Variants in THSD7A observed in about 807,000 individuals in gnomAD.
The protein encoded by THSD7A is thrombospondin type-1 domain-containing protein 7A.
In THSD7A, 96 loss-of-function variants were observed where a neutral mutation model predicts 231.3. That is an observed-to-expected ratio of 0.41 (90% CI 0.35 to 0.49). The LOEUF is 0.49. THSD7A is among the 20% of genes least tolerant of loss of function. The pLI is 0.05. For synonymous variants in THSD7A, 940 were observed against 743.3 expected, an observed-to-expected ratio of 1.26 and a Z score of -4.30; for missense variants, 2,290 against 2,070.2, an observed-to-expected ratio of 1.11 and a Z score of -2.06.
chr7:11,392,202 T>G (rs1357741280), intron 23 of THSD7A, among the ~76,000 whole-genome samples: 2 of 152,150 alleles, frequency 1.3e-5, no homozygotes, highest in East Asian at 4.0e-4. Context: ...ACCTGGCTCA[T>G]CTCATTGGGA....
intron 1 of THSD7A, among the ~76,000 whole-genome samples, chr7:11,640,215 C>T (rs1209241414): frequency 6.6e-6 from 1 of 152,092 alleles, no homozygotes; most frequent in Non-Finnish European, 1.5e-5. Flanking sequence ...CTGCCGCCTG[C>T]AACAGTTTTA....
chr7:11,531,523 G>C (rs1322214113), intron 6 of THSD7A, among the ~76,000 whole-genome samples: 2 of 152,114 alleles, frequency 1.3e-5, no homozygotes, highest in African/African-American at 4.8e-5. Context: ...TCCTCAAATA[G>C]TCCAAGCATT....
At chr7:11,624,627 C>T (rs1779361849) in intron 2 of THSD7A, among the ~76,000 whole-genome samples, 1 of 152,056 alleles carries the variant, frequency 6.6e-6, no homozygotes, top group Non-Finnish European at 1.5e-5. Context: ...TAGGTACAGT[C>T]CTTCTCTCAA....
intron 7 of THSD7A, among the ~76,000 whole-genome samples, chr7:11,476,836 G>A (rs73068741): frequency 0.083 from 9,286 of 112,134 alleles, 404 homozygotes; most frequent in Non-Finnish European, 0.12. Flanking sequence ...AAAAAAAAAA[G>A]ATAGTGTAGA....
chr7:11,642,924 T>G (rs746885046), intron 1 of THSD7A, among the ~76,000 whole-genome samples: 140 of 152,096 alleles, frequency 9.2e-4, no homozygotes, highest in Non-Finnish European at 1.1e-3. Flanking sequence ...CCCACCATAT[T>G]CAACATTGAC....
intron 1 of THSD7A, among the ~76,000 whole-genome samples, chr7:11,816,658 G>A (rs1784712634): frequency 6.6e-6 from 1 of 151,950 alleles, no homozygotes; most frequent in Non-Finnish European, 1.5e-5. Context: ...TTTATGAGTG[G>A]GTTATTGAGG....
At chr7:11,663,541 T>C (rs1272583281) in intron 1 of THSD7A, among the ~76,000 whole-genome samples, 1 of 151,628 alleles carries the variant, frequency 6.6e-6, no homozygotes, top group Non-Finnish European at 1.5e-5. Context: ...TGAGCTTATG[T>C]TGTAGAGTCA....
chr7:11,393,554 C>G (rs181925426), intron 23 of THSD7A, among the ~76,000 whole-genome samples: 1 of 152,142 alleles, frequency 6.6e-6, no homozygotes, highest in African/African-American at 2.4e-5. Context: ...TGAGTAATAA[C>G]AAACTCCTCT....
intron 7 of THSD7A, among the ~76,000 whole-genome samples, chr7:11,476,595 T>C (rs974052848): frequency 2.6e-5 from 4 of 152,026 alleles, no homozygotes; most frequent in African/African-American, 7.2e-5. Context: ...GGTGGGCAGA[T>C]TGCCTGAGCT....
intron 7 of THSD7A, among the ~76,000 whole-genome samples, chr7:11,479,089 C>T (rs1023781613): frequency 3.3e-5 from 5 of 152,142 alleles, no homozygotes; most frequent in African/African-American, 9.7e-5. Context: ...AATATTGTGA[C>T]ATTTCATGAA....
chr7:11,651,196 C>G (rs577341185), intron 1 of THSD7A, among the ~76,000 whole-genome samples: 77 of 152,136 alleles, frequency 5.1e-4, no homozygotes, highest in African/African-American at 1.8e-3. Context: ...AGGACAAATA[C>G]TGTATGATCC....
At chr7:11,486,536 A>G (rs1786665769) in intron 6 of THSD7A, among the ~76,000 whole-genome samples, 2 of 152,204 alleles carry the variant, frequency 1.3e-5, no homozygotes. Context: ...GGACAGACAC[A>G]TCTGATTATC....
intron 6 of THSD7A, among the ~76,000 whole-genome samples, chr7:11,496,927 G>C (rs1787126609): frequency 6.6e-6 from 1 of 152,172 alleles, no homozygotes; most frequent in Admixed American, 6.5e-5. Flanking sequence ...CAATATAGAT[G>C]TCATGAGTCC....
At chr7:11,719,062 G>T (rs1453515429) in intron 1 of THSD7A, among the ~76,000 whole-genome samples, 1 of 151,696 alleles carries the variant, frequency 6.6e-6, no homozygotes, top group East Asian at 2.0e-4. Context: ...GTGTGTGTGT[G>T]TGTATGCGCT....
chr7:11,534,560 A>G (rs1226640315), intron 6 of THSD7A, among the ~76,000 whole-genome samples: 5 of 152,166 alleles, frequency 3.3e-5, no homozygotes, highest in Non-Finnish European at 7.4e-5. Context: ...AAGAGAGCTC[A>G]GGTGAAACCT....
chr7:11,609,358 A>T (rs1032878168), intron 2 of THSD7A, among the ~76,000 whole-genome samples: 1 of 152,168 alleles, frequency 6.6e-6, no homozygotes, highest in Non-Finnish European at 1.5e-5. Flanking sequence ...CATGGGACAC[A>T]ATGTAATAAA....
At chr7:11,538,271 T>C (rs1788997136) in intron 6 of THSD7A, among the ~76,000 whole-genome samples, 1 of 152,202 alleles carries the variant, frequency 6.6e-6, no homozygotes, top group Non-Finnish European at 1.5e-5. Flanking sequence ...TGACTTTTTT[T>C]TCGAAAGTCA....
chr7:11,468,618 G>A (rs1262374765), intron 9 of THSD7A, among the ~76,000 whole-genome samples: 1 of 152,134 alleles, frequency 6.6e-6, no homozygotes, highest in Non-Finnish European at 1.5e-5. Context: ...TGGATCACTT[G>A]AGGCCAGGAG....
chr7:11,562,357 T>A (rs1399086500), intron 4 of THSD7A, among the ~76,000 whole-genome samples: 1 of 152,210 alleles, frequency 6.6e-6, no homozygotes, highest in Non-Finnish European at 1.5e-5. Flanking sequence ...ATATACATTT[T>A]CTGTATTCAT....
Sources: allele counts gnomAD v4.1 joint callset (sites outside exome capture counted in the v4.1 genomes callset), GRCh38; gene constraint gnomAD v4.1.1; transcripts MANE v1.5; gene names NCBI Gene and HGNC (gene_info 2026-07-23, HGNC 2026-07-21).